Variants in PALM2AKAP2 observed in about 807,000 individuals in gnomAD.
PALM2AKAP2 encodes the protein PALM2-AKAP2 fusion protein.
A neutral mutation model predicts 71.5 loss-of-function variants in PALM2AKAP2; 37 were observed. The ratio of observed to expected loss-of-function variants is 0.52; its 90% CI spans 0.40 to 0.68. The LOEUF (loss-of-function observed/expected upper bound fraction) is 0.68, where lower values mean the gene tolerates loss of function less well. Ranked by LOEUF, PALM2AKAP2 falls within the 30% of genes least tolerant of loss-of-function variation. The pLI, the probability that PALM2AKAP2 is intolerant of heterozygous loss-of-function variation, is 0.00. For synonymous variants in PALM2AKAP2, 468 were observed against 478.8 expected, an observed-to-expected ratio of 0.98 and a Z score of 0.29; for missense variants, 1,224 against 1,191.8, an observed-to-expected ratio of 1.03 and a Z score of -0.40.
At chr9:109,914,048 G>A (rs773060780) in intron 3 of PALM2AKAP2, among the ~76,000 whole-genome samples, 4 of 152,106 alleles carry the variant, frequency 2.6e-5, no homozygotes, top group Admixed American at 6.5e-5. Context: ...GAACCACCGC[G>A]CCCGGCCAAG....
chr9:109,679,377 CTT>C (rs1328439506), intron 1 of PALM2AKAP2, among the ~76,000 whole-genome samples: 1 of 152,216 alleles, frequency 6.6e-6, no homozygotes, highest in Non-Finnish European at 1.5e-5. Flanking sequence ...AGCCAGATGA[CTT>C]TGTTCTCTTC....
At chr9:109,800,492 C>T (rs1827395147) in intron 1 of PALM2AKAP2, among the ~76,000 whole-genome samples, 1 of 152,112 alleles carries the variant, frequency 6.6e-6, no homozygotes, top group Admixed American at 6.5e-5. Flanking sequence ...TGCAAATGAC[C>T]CCTCCGGGTT....
chr9:109,660,387 C>T (rs949724298), intron 1 of PALM2AKAP2, among the ~76,000 whole-genome samples: 2 of 152,070 alleles, frequency 1.3e-5, no homozygotes, highest in Non-Finnish European at 2.9e-5. Flanking sequence ...TGATATTCCC[C>T]ACCCAGTGTC....
At chr9:109,872,869 A>G (rs1166293925) in intron 2 of PALM2AKAP2, among the ~76,000 whole-genome samples, 1 of 152,230 alleles carries the variant, frequency 6.6e-6, no homozygotes, top group Non-Finnish European at 1.5e-5. Context: ...ACAGATAGGC[A>G]CAGTACACAG....
chr9:109,680,665 C>T (rs1029632088), intron 1 of PALM2AKAP2, among the ~76,000 whole-genome samples: 2 of 152,062 alleles, frequency 1.3e-5, no homozygotes, highest in Non-Finnish European at 2.9e-5. Context: ...ATTTTTTATT[C>T]ATTAACTAAA....
intron 1 of PALM2AKAP2, among the ~76,000 whole-genome samples, chr9:110,134,214 G>A (rs1448631331): frequency 1.3e-5 from 2 of 151,786 alleles, no homozygotes; most frequent in East Asian, 3.9e-4. Flanking sequence ...AGGAGTTCAA[G>A]GTTGCAGTGA....
At chr9:109,908,094 G>T (rs781107309) in intron 3 of PALM2AKAP2, among the ~76,000 whole-genome samples, 4 of 152,182 alleles carry the variant, frequency 2.6e-5, no homozygotes, top group African/African-American at 4.8e-5. Flanking sequence ...TTGAGCACAG[G>T]CTGTGTGCAA....
intron 3 of PALM2AKAP2, among the ~76,000 whole-genome samples, chr9:109,889,092 A>G (rs1384734772): frequency 6.6e-6 from 1 of 152,244 alleles, no homozygotes; most frequent in Non-Finnish European, 1.5e-5. Flanking sequence ...ATTTATGAAG[A>G]TAACATTAGT....
intron 1 of PALM2AKAP2, among the ~76,000 whole-genome samples, chr9:109,750,482 G>C (rs930246983): frequency 2.0e-5 from 3 of 152,098 alleles, no homozygotes; most frequent in Non-Finnish European, 4.4e-5. Context: ...GCAATGCTAA[G>C]TATGATACCT....
At chr9:109,866,084 A>G (rs1283151843) in intron 1 of PALM2AKAP2, among the ~76,000 whole-genome samples, 1 of 152,222 alleles carries the variant, frequency 6.6e-6, no homozygotes, top group Non-Finnish European at 1.5e-5. Context: ...CTTAGATATC[A>G]TATTCTAGTG....
Position 109,867,593 on chromosome 9 carries a change from C to A in PALM2AKAP2, c.126+22C>A, listed in dbSNP as rs754059869. 20 of 1,606,824 alleles carry A rather than the reference C, an allele frequency of 1.2e-5. 1 individual carries two copies. In the Admixed American group the frequency reaches 1.9e-4, roughly 15 times the overall value. On this transcript the variant is annotated intron_variant, in intron 2 of 9. Transcript: ENST00000302798. ...CAAGGTAAGCAGCTGATCCCAGGAA[C>A]CTATTCCATTATTAGACATGCAGAT...
At chr9:109,740,507 G>C (rs1828701667) in intron 1 of PALM2AKAP2, among the ~76,000 whole-genome samples, 1 of 152,140 alleles carries the variant, frequency 6.6e-6, no homozygotes, top group South Asian at 2.1e-4. Context: ...AACAAGGACT[G>C]GCTCCTGAGG....
At chr9:109,899,362 C>T (rs1221725046) in intron 3 of PALM2AKAP2, among the ~76,000 whole-genome samples, 1 of 152,146 alleles carries the variant, frequency 6.6e-6, no homozygotes, top group African/African-American at 2.4e-5. Flanking sequence ...ATTCTTGATT[C>T]CTTCTACACT....
intron 1 of PALM2AKAP2, among the ~76,000 whole-genome samples, chr9:109,723,025 C>T (rs1372190157): frequency 6.6e-6 from 1 of 152,144 alleles, no homozygotes; most frequent in African/African-American, 2.4e-5. Flanking sequence ...GGAAACTCCG[C>T]AAAAAGCACT....
chr9:109,681,942 G>A (rs1827742616), intron 1 of PALM2AKAP2, among the ~76,000 whole-genome samples: 1 of 152,174 alleles, frequency 6.6e-6, no homozygotes, highest in Non-Finnish European at 1.5e-5. Flanking sequence ...CACAAGAACA[G>A]AAGCATTTAA....
chr9:109,833,501 G>A (rs1264210590), intron 1 of PALM2AKAP2, among the ~76,000 whole-genome samples: 2 of 152,150 alleles, frequency 1.3e-5, no homozygotes, highest in Non-Finnish European at 2.9e-5. Flanking sequence ...TACCCTTCAG[G>A]GCCAAGCTGA....
chr9:110,014,806 GTATATA>G (rs34408706), intron 6 of PALM2AKAP2, among the ~76,000 whole-genome samples: 2,428 of 41,522 alleles, frequency 0.058, 307 homozygotes, highest in Middle Eastern at 0.071. Context: ...AAAAAAAAAT[GTATATA>G]TATATATATA....
chr9:109,712,715 C>T (rs981216815), intron 1 of PALM2AKAP2, among the ~76,000 whole-genome samples: 11 of 152,110 alleles, frequency 7.2e-5, no homozygotes, highest in South Asian at 6.2e-4. Flanking sequence ...AATGTTTGGC[C>T]CAGAAGAGCT....
At chr9:110,113,469 C>T (rs1424199784) in intron 1 of PALM2AKAP2, among the ~76,000 whole-genome samples, 3 of 151,390 alleles carry the variant, frequency 2.0e-5, no homozygotes, top group African/African-American at 7.3e-5. Context: ...GATTTCTTGA[C>T]CTTGTGGACC....
Sources: gnomAD v4.1 joint callset for allele counts (sites outside exome capture counted in the v4.1 genomes callset) on GRCh38, gnomAD v4.1.1 for gene constraint, MANE v1.5 for transcripts, NCBI Gene and HGNC (gene_info 2026-07-23, HGNC 2026-07-21) for gene names.